NFIB: variants seen among roughly 807,000 people sequenced by gnomAD.
NFIB encodes nuclear factor 1 B-type.
Under a neutral mutation model 61.5 loss-of-function variants are expected in NFIB, and 11 were observed. That is an observed-to-expected ratio of 0.18 (90% confidence interval 0.11 to 0.30). NFIB has a LOEUF of 0.30. Among genes scored for constraint, NFIB ranks in the 10% least tolerant of loss-of-function variants. The pLI, the probability that NFIB is intolerant of heterozygous loss-of-function variation, is 1.00. For missense variants in NFIB, 471 were observed against 608.9 expected, an observed-to-expected ratio of 0.77 and a Z score of 2.38; for synonymous variants, 260 against 216.5, an observed-to-expected ratio of 1.20 and a Z score of -1.76.
At position 14,166,418 on chromosome 9, in the gene NFIB, T is replaced by C. The variant is rs2044795087; in HGVS notation, c.617-10525A>G. ...ATGTTTTTTCCATCACAATTTCAAG[T>C]ATTCTCCCACTGTCTCCTGTTATTT... On this transcript the variant is annotated intron_variant, in intron 3 of 10. Transcript: ENST00000380953. 2.6e-5 allele frequency among the ~76,000 whole-genome samples: 4 copies of C among 152,334 alleles called. No homozygotes were observed. In the Middle Eastern group the frequency reaches 0.01, roughly 389 times the overall value.
chr9:14,248,692 C>A (rs1011707492), intron 2 of NFIB, among the ~76,000 whole-genome samples: 1 of 152,126 alleles, frequency 6.6e-6, no homozygotes, highest in African/African-American at 2.4e-5. Flanking sequence ...CAAGAACAGG[C>A]AGGAGACTTA....
chr9:14,249,682 G>T (rs989313036), intron 2 of NFIB, among the ~76,000 whole-genome samples: 1 of 152,030 alleles, frequency 6.6e-6, no homozygotes, highest in African/African-American at 2.4e-5. Context: ...GAGAGAGAGG[G>T]AGGGAGGGGA....
chr9:14,201,446 G>C (rs925450313), intron 2 of NFIB, among the ~76,000 whole-genome samples: 2 of 152,230 alleles, frequency 1.3e-5, no homozygotes, highest in African/African-American at 4.8e-5. Flanking sequence ...TTGCTCATAA[G>C]GTTTCTATGC....
chr9:14,251,103 C>G (rs967155267), intron 2 of NFIB, among the ~76,000 whole-genome samples: 10 of 152,168 alleles, frequency 6.6e-5, no homozygotes, highest in African/African-American at 2.4e-4. Context: ...AACTAGAAAC[C>G]TCAAGAAAAA....
At chr9:14,526,472 G>T in the NFIB span, among the ~76,000 whole-genome samples, 4 of 152,224 alleles carry the variant, frequency 2.6e-5, no homozygotes, top group East Asian at 7.7e-4. Context: ...ATGTAGCATA[G>T]CTACATATAT....
chr9:14,441,362 G>T, the NFIB span, among the ~76,000 whole-genome samples: 1 of 152,066 alleles, frequency 6.6e-6, no homozygotes, highest in African/African-American at 2.4e-5. Context: ...GGTCTGCGCC[G>T]ATTTTAATTG....
At chr9:14,303,892 G>A (rs1335085680) in intron 2 of NFIB, among the ~76,000 whole-genome samples, 1 of 152,180 alleles carries the variant, frequency 6.6e-6, no homozygotes, top group Non-Finnish European at 1.5e-5. Context: ...ACTCCCAAAT[G>A]ATGTGTACAT....
chr9:14,138,024 G>A (rs1033248549), intron 6 of NFIB, among the ~76,000 whole-genome samples: 3 of 151,968 alleles, frequency 2.0e-5, no homozygotes, highest in Admixed American at 6.6e-5. Context: ...GACTTATTTG[G>A]GATACAGTAT....
the NFIB span, among the ~76,000 whole-genome samples, chr9:14,457,363 C>G: frequency 1.8e-4 from 27 of 152,086 alleles, no homozygotes; most frequent in Non-Finnish European, 2.4e-4. Context: ...ATGTCAACAC[C>G]CTTTGAAAGA....
At chr9:14,460,482 C>T in the NFIB span, among the ~76,000 whole-genome samples, 4 of 151,748 alleles carry the variant, frequency 2.6e-5, no homozygotes, top group East Asian at 1.9e-4. Flanking sequence ...CAAACCTGCA[C>T]GTTGTGCACA....
chr9:14,121,095 G>A (rs986661753), intron 7 of NFIB, among the ~76,000 whole-genome samples: 14 of 151,954 alleles, frequency 9.2e-5, no homozygotes, highest in East Asian at 5.8e-4. Context: ...AAACCCCATC[G>A]CTACTGAAAA....
At chr9:14,215,438 T>C (rs1304848649) in intron 2 of NFIB, among the ~76,000 whole-genome samples, 1 of 141,850 alleles carries the variant, frequency 7.0e-6, no homozygotes. Flanking sequence ...GTTTGAGTAT[T>C]TGGGGGTGAA....
At chr9:14,188,560 G>A (rs1006873168) in intron 2 of NFIB, among the ~76,000 whole-genome samples, 3 of 152,182 alleles carry the variant, frequency 2.0e-5, no homozygotes, top group African/African-American at 2.4e-5. Context: ...AACATTTCCA[G>A]CTGTATTTTA....
chr9:14,305,830 C>G (rs774066230), intron 2 of NFIB: 8 of 362,064 alleles, frequency 2.2e-5, no homozygotes, highest in Non-Finnish European at 3.5e-5. Context: ...CAGTCTGTCA[C>G]CTGGCTATCT....
chr9:14,399,755 T>C (rs2061723922), upstream of NFIB, among the ~76,000 whole-genome samples: 1 of 152,154 alleles, frequency 6.6e-6, no homozygotes, highest in Non-Finnish European at 1.5e-5. Flanking sequence ...CAATATTCAG[T>C]GAGAGTTGTT....
chr9:14,316,637 C>G (rs575304654), upstream of NFIB, among the ~76,000 whole-genome samples: 1 of 152,182 alleles, frequency 6.6e-6, no homozygotes, highest in Non-Finnish European at 1.5e-5. Context: ...ATACTCATTT[C>G]TCTCAGAAAT....
At chr9:14,119,417 T>C (rs2038625333) in intron 8 of NFIB, among the ~76,000 whole-genome samples, 1 of 152,098 alleles carries the variant, frequency 6.6e-6, no homozygotes, top group African/African-American at 2.4e-5. Flanking sequence ...ACCCAAAGGG[T>C]CCTGGATGCG....
At chr9:14,384,046 C>A (rs1232625898) in intron 1 of NFIB, among the ~76,000 whole-genome samples, 1 of 152,206 alleles carries the variant, frequency 6.6e-6, no homozygotes, top group Admixed American at 6.5e-5. Flanking sequence ...CTTAAGCGAG[C>A]CACTTAGCCC....
the NFIB span, among the ~76,000 whole-genome samples, chr9:14,442,326 C>A: frequency 4.6e-5 from 7 of 152,154 alleles, no homozygotes; most frequent in Non-Finnish European, 8.8e-5. Flanking sequence ...TAGTTTCCCA[C>A]CTTGTAAAAG....
Sources: gnomAD v4.1 joint callset for allele counts (sites outside exome capture counted in the v4.1 genomes callset) on GRCh38, gnomAD v4.1.1 for gene constraint, MANE v1.5 for transcripts, NCBI Gene and HGNC (gene_info 2026-07-23, HGNC 2026-07-21) for gene names.